Variants in CASTOR1 observed in about 807,000 individuals in gnomAD.
The protein encoded by CASTOR1 is GATS protein like 3.
CASTOR1 carries 18 observed loss-of-function variants against 33.7 expected under a neutral mutation model. That is an observed-to-expected ratio of 0.53 (90% confidence interval 0.37 to 0.79). The LOEUF (loss-of-function observed/expected upper bound fraction) is 0.79. Ranked by LOEUF, CASTOR1 falls within the 30% of genes least tolerant of loss-of-function variation. The pLI, the probability that CASTOR1 is intolerant of heterozygous loss-of-function variation, is 0.00. For synonymous variants in CASTOR1, 175 were observed against 190.6 expected (o/e 0.92, Z 0.67); for missense variants, 362 against 446.3 (o/e 0.81, Z 1.70).
intron 2 of CASTOR1, 134 bp downstream of exon 2, chr22:30,288,572 T>C (rs1390446019): frequency 1.5e-6 from 1 of 669,516 alleles, no homozygotes; most frequent in East Asian, 2.9e-5. Flanking sequence ...AGTGGTGGAG[T>C]AGGATTCGAA....
Position 30,286,952 on chromosome 22 carries a change from C to G in CASTOR1, c.506-4G>C, listed in dbSNP as rs766812890. 4 of 1,608,578 alleles carry G rather than the reference C, an allele frequency of 2.5e-6. No individual in the cohort carries two copies. The highest frequency in any genetic ancestry group is 3.4e-6 in the Non-Finnish European group (4 of 1,176,344). On this transcript the variant is annotated splice_polypyrimidine_tract_variant and splice_region_variant and intron_variant, in intron 4 of 8. Transcript: ENST00000407689. ...GGATGCACCGTGGGGCTGGGCCCTG[C>G]TGGAGGACAGCAGCAGGTGAAAAGG...
chr22:30,287,145 C>T lies in CASTOR1; in HGVS notation c.505+10G>A, dbSNP rs770988299. The stretch of plus-strand genomic sequence containing the variant: ...CTGCCCAAGTCCAAGTGTCAGGGGG[C>T]GGCCCTCACCATGCTGAGTGCGGGG... On this transcript the variant is annotated intron_variant, in intron 4 of 8. Transcript: ENST00000407689. 1.6e-5 allele frequency: 25 copies of T among 1,605,808 alleles called. No homozygotes were observed. Among genetic ancestry groups the T allele is most frequent in the Middle Eastern group, 3.3e-4 (2 of 6,052 alleles).
intron 2 of CASTOR1, chr22:30,287,998 C>T (rs1431942640): frequency 2.4e-6 from 1 of 415,712 alleles, no homozygotes; most frequent in Non-Finnish European, 4.8e-6. Context: ...TTTTGCAGAC[C>T]CAGACTTCTG....
chr22:30,286,060 T>TC lies in CASTOR1; in HGVS notation c.781dup (p.Glu261GlyfsTer16). ...ACCGATGCGCACCATCCTCCACAGC[T>TC]CCCCCGAGGAGCTGGTCAGCAGGAG... On this transcript the variant is annotated frameshift_variant, in exon 7 of 9. Coordinates refer to ENST00000407689, the MANE Select transcript of CASTOR1 (RefSeq NM_001037666.3). LOFTEE classifies it high-confidence loss of function. 6.3e-7 allele frequency: 1 copy of TC among 1,582,770 alleles called. No individual in the cohort carries two copies. The highest frequency in any genetic ancestry group is 8.6e-7 in the Non-Finnish European group (1 of 1,162,554).
rs758898589 is a variant in CASTOR1, at chr22:30,286,374, G to C, written c.632C>G (p.Thr211Ser). Residue 211 changes from threonine (T) to serine (S), a missense_variant and splice_region_variant, in exon 6 of 9, where the codon ACC becomes AGC. Thr to Ser is a moderately conservative substitution (Grantham distance 58). Coordinates refer to ENST00000407689, the MANE Select transcript of CASTOR1 (RefSeq NM_001037666.3). Reference protein sequence around the residue: ...LIDVLFYSHSTPKEAASSSPE... With the variant: ...LIDVLFYSHSSPKEAASSSPE... ...ACTGCTAGAGGCTGCCTCCTTGGGG[G>C]TGCTGGGGAGGGATGGGAGGTTTAG... The C allele has an allele frequency of 1.2e-5, 19 of 1,608,280 alleles. No homozygotes were observed. Among genetic ancestry groups the C allele is most frequent in the Non-Finnish European group, 1.4e-5 (17 of 1,175,078 alleles).
chr22:30,285,658 C>G lies in CASTOR1; in HGVS notation c.952G>C (p.Glu318Gln), dbSNP rs201767342. The G allele has an allele frequency of 7.6e-5, 120 of 1,572,248 alleles. No homozygotes were observed. The highest frequency in any genetic ancestry group is 4.0e-4 in the African/African-American group (30 of 74,172). ...VPEDGIGSVI[E>Q]VLQRRQEGLA... Reference sequence around the variant, plus strand: ...CCTTCCTGCCGCCGCTGGAGGACCTCGATGACGCTGCCGATACCGTCCTCG... The same window carrying G: ...CCTTCCTGCCGCCGCTGGAGGACCTGGATGACGCTGCCGATACCGTCCTCG... The change falls in exon 9 of 9, where the codon GAG (glutamate) becomes CAG (glutamine). Residue 318 changes from glutamate to glutamine, a missense_variant. By Grantham distance (29) the Glu-to-Gln change is conservative. Coordinates refer to ENST00000407689, the MANE Select transcript of CASTOR1 (RefSeq NM_001037666.3).
At chr22:30,288,592 A>G in intron 2 of CASTOR1, 114 bp downstream of exon 2, 1 of 856,782 alleles carries the variant, frequency 1.2e-6, no homozygotes, top group Non-Finnish European at 1.9e-6. Flanking sequence ...ACCCCGACCC[A>G]TCTGCTTTTA....
intron 1 of CASTOR1, chr22:30,288,989 C>T (rs148626786): frequency 1.8e-6 from 1 of 558,746 alleles, no homozygotes; most frequent in Admixed American, 3.3e-5. Flanking sequence ...GAACCCTCCA[C>T]CCCTCCACTC....
Position 30,285,639 on chromosome 22 carries a change from T to G in CASTOR1, c.971A>C (p.Gln324Pro). The G allele has an allele frequency of 6.4e-7, 1 of 1,567,398 alleles. No individual in the cohort carries two copies. Among genetic ancestry groups the G allele is most frequent in the Non-Finnish European group, 8.6e-7 (1 of 1,157,460 alleles). The change falls in exon 9 of 9, where the codon CAG becomes CCG. Residue 324 changes from glutamine to proline, a missense_variant. Physicochemically the swap from Gln to Pro is moderately conservative, Grantham distance 76. Transcript: ENST00000407689. ...GSVIEVLQRRQEGLAS is the reference protein window; with the variant it reads ...GSVIEVLQRRPEGLAS ...TGGGCCTCAGGAAGCCAGGCCTTCC[T>G]GCCGCCGCTGGAGGACCTCGATGAC... is the stretch of plus-strand genomic sequence containing the variant.
rs747061087 is a variant in CASTOR1, at chr22:30,287,144, G to A, written c.505+11C>T. ...CCTGCCCAAGTCCAAGTGTCAGGGG[G>A]CGGCCCTCACCATGCTGAGTGCGGG... is the stretch of plus-strand genomic sequence containing the variant. On this transcript the variant is annotated intron_variant, in intron 4 of 8. Coordinates refer to ENST00000407689, the MANE Select transcript of CASTOR1 (RefSeq NM_001037666.3). 1.2e-6 allele frequency: 2 copies of A among 1,606,834 alleles called. No individual in the cohort carries two copies. Among genetic ancestry groups the A allele is most frequent in the Non-Finnish European group, 1.7e-6 (2 of 1,175,504 alleles).
In CASTOR1 at chr22:30,289,487, T is replaced by C; in HGVS notation, c.11A>G (p.His4Arg). 1.3e-6 allele frequency: 2 copies of C among 1,576,094 alleles called. No homozygotes were observed. Among genetic ancestry groups the C allele is most frequent in the Non-Finnish European group, 1.7e-6 (2 of 1,167,370 alleles). Residue 4 changes from histidine to arginine, a missense_variant, in exon 1 of 9, where the codon CAC becomes CGC. Coordinates refer to ENST00000407689, the MANE Select transcript of CASTOR1 (RefSeq NM_001037666.3). MELHILEHRVRVLS... is the reference protein window; with the variant it reads MELRILEHRVRVLS... The stretch of plus-strand genomic sequence containing the variant: ...CACCCGCACCCGGTGTTCTAGGATG[T>C]GCAGCTCCATCGCGGCTCGCGCGGA...
chr22:30,288,464 T>C (rs1431315553), intron 2 of CASTOR1, among the ~76,000 whole-genome samples: 1 of 152,152 alleles, frequency 6.6e-6, no homozygotes, highest in East Asian at 1.9e-4. Flanking sequence ...AAAGGCCTCA[T>C]GGGACCCTAT....
At position 30,287,167 on chromosome 22, in the gene CASTOR1, G is replaced by T. The variant is rs762652275; in HGVS notation, c.493C>A (p.Arg165Ser). The change falls in exon 4 of 9, where the codon CGC becomes AGC. Residue 165 changes from arginine to serine, a missense_variant. Physicochemically the swap from Arg to Ser is moderately radical, Grantham distance 110. Coordinates refer to ENST00000407689, the MANE Select transcript of CASTOR1 (RefSeq NM_001037666.3). ...TRDDSSNGFPRTQHGPSPTVH... is the reference protein window; with the variant it reads ...TRDDSSNGFPSTQHGPSPTVH... Reference sequence around the variant, plus strand: ...GGGCGGCCCTCACCATGCTGAGTGCGGGGAAAGCCATTGCTGGAATCATCC... The same window carrying T: ...GGGCGGCCCTCACCATGCTGAGTGCTGGGAAAGCCATTGCTGGAATCATCC... The T allele has an allele frequency of 1.9e-6, 3 of 1,610,572 alleles. No individual in the cohort carries two copies. Among genetic ancestry groups the T allele is most frequent in the Non-Finnish European group, 1.7e-6 (2 of 1,177,880 alleles).
rs1473869822 is a variant in CASTOR1 at position 30,286,068 on chromosome 22, G to A, written c.774C>T (p.Ser258=). The A allele has an allele frequency of 1.3e-6, 2 of 1,581,794 alleles. No individual in the cohort carries two copies. Among genetic ancestry groups the A allele is most frequent in the South Asian group, 1.2e-5 (1 of 85,382 alleles). The change falls in exon 7 of 9, where the codon TCC becomes TCT. Residue 258 remains serine (S), a synonymous_variant. Coordinates refer to ENST00000407689, the MANE Select transcript of CASTOR1 (RefSeq NM_001037666.3). The stretch of plus-strand genomic sequence containing the variant: ...GCACCATCCTCCACAGCTCCCCCGA[G>A]GAGCTGGTCAGCAGGAGGTCACTGG... ...KFPSDLLLTS[S]SGELWRMVRI... is the part of the protein sequence containing the mutation.
rs1390763350 is a variant in CASTOR1, at chr22:30,288,751, T to C, written c.139A>G (p.Thr47Ala). The C allele has an allele frequency of 3.7e-6, 6 of 1,611,718 alleles. No individual in the cohort carries two copies. The highest frequency in any genetic ancestry group is 5.1e-6 in the Non-Finnish European group (6 of 1,179,126). Residue 47 changes from threonine to alanine, a missense_variant, in exon 2 of 9, where the codon ACC becomes GCC. By Grantham distance (58) the Thr-to-Ala change is moderately conservative. Transcript: ENST00000407689. ...ACCATAAGCGTGTAATCCTCAGGGG[T>C]CTCCGTCAGGCTGAAGAACTTGCAC... ...SRCKFFSLTE[T>A]PEDYTLMVDE...
chr22:30,288,593 T>A, intron 2 of CASTOR1, 113 bp downstream of exon 2: 1 of 866,020 alleles, frequency 1.2e-6, no homozygotes, highest in South Asian at 1.5e-5. Flanking sequence ...CCCCGACCCA[T>A]CTGCTTTTAA....
In CASTOR1 at chr22:30,286,415, C is replaced by T. The variant is rs193084032; in HGVS notation, c.630-39G>A. The T allele has an allele frequency of 5.4e-3, 7,267 of 1,355,126 alleles. 32 individuals carry two copies. Among genetic ancestry groups the T allele is most frequent in the Middle Eastern group, 0.01 (58 of 5,534 alleles). The allele number at this position is 1,355,126 out of a possible 1,614,324, so 83.9% of individuals were successfully genotyped here. On this transcript the variant is annotated intron_variant, in intron 5 of 8. Transcript: ENST00000407689. ...GGAGGTTTAGGGGCTCTACCAGGCA[C>T]CCAGCCTACTGCCCCTGCTCCCGAT... is the stretch of plus-strand genomic sequence containing the variant.
At chr22:30,285,991 C>T (rs1488147136) in intron 7 of CASTOR1, 25 bp downstream of exon 7, 2 of 1,586,482 alleles carry the variant, frequency 1.3e-6, no homozygotes, top group South Asian at 1.2e-5. Flanking sequence ...CTCCCCAGCC[C>T]CCCAACACCG....
rs371777166 is a variant in CASTOR1 at position 30,287,436 on chromosome 22, C to T, written c.309G>A (p.Ala103=). The change falls in exon 3 of 9, where the codon GCG becomes GCA. Residue 103 remains alanine (A), a synonymous_variant. Coordinates refer to ENST00000407689, the MANE Select transcript of CASTOR1 (RefSeq NM_001037666.3). The stretch of plus-strand genomic sequence containing the variant: ...CAGACACGTGGTGCTCGGCCAGTGG[C>T]GCGATGACCGAACGGGCGATCTTGG... ...GVTKIARSVI[A]PLAEHHVSVL... 2.9e-4 allele frequency: 465 copies of T among 1,613,404 alleles called. No homozygotes were observed. The highest frequency in any genetic ancestry group is 3.8e-4 in the Non-Finnish European group (451 of 1,180,038).
Sources: gnomAD v4.1 joint callset for allele counts (sites outside exome capture counted in the v4.1 genomes callset) on GRCh38, gnomAD v4.1.1 for gene constraint, MANE v1.5 for transcripts, NCBI Gene and HGNC (gene_info 2026-07-23, HGNC 2026-07-21) for gene names.